GAN: variants seen among roughly 807,000 people sequenced by gnomAD.
GAN encodes the protein gigaxonin, also known as epididymis secretory sperm binding protein.
A neutral mutation model predicts 71.3 loss-of-function variants in GAN; 48 were observed. The ratio of observed to expected loss-of-function variants is 0.67; its 90% CI spans 0.53 to 0.86. The LOEUF is 0.86. Among genes scored for constraint, GAN ranks in the 40% least tolerant of loss-of-function variants. GAN has a pLI of 0.00. For missense variants in GAN, 928 were observed against 770.1 expected, an observed-to-expected ratio of 1.21 and a Z score of -2.43; for synonymous variants, 386 against 276.8, an observed-to-expected ratio of 1.39 and a Z score of -3.92.
At position 81,325,768 on chromosome 16, in the gene GAN, G is replaced by T. The variant is rs912505177; in HGVS notation, c.167+10488G>T. Among the ~76,000 whole-genome samples the T allele has an allele frequency of 2.0e-5, 3 of 152,340 alleles. No homozygotes were observed. In the East Asian group the frequency reaches 5.8e-4, roughly 29 times the overall value. On this transcript the variant is annotated intron_variant, in intron 1 of 10. Coordinates refer to ENST00000648994, the MANE Select transcript of GAN (RefSeq NM_022041.4). Reference sequence around the variant, plus strand: ...AGAAGAGATAACAGTTTTGAGCCTGGCTGCCTAGGGAAAGTGGGGAAGACA... The same window carrying T: ...AGAAGAGATAACAGTTTTGAGCCTGTCTGCCTAGGGAAAGTGGGGAAGACA...
At chr16:81,371,337 A>G (rs949934513) in intron 9 of GAN, among the ~76,000 whole-genome samples, 6 of 152,136 alleles carry the variant, frequency 3.9e-5, no homozygotes, top group Admixed American at 3.9e-4. Context: ...TCCCTTGAGA[A>G]ATGGGTTCTA....
chr16:81,358,010 G>T, intron 5 of GAN, 79 bp downstream of exon 5: 1 of 1,199,666 alleles, frequency 8.3e-7, no homozygotes, highest in Non-Finnish European at 1.2e-6. Flanking sequence ...ATGACTCAGA[G>T]CCTTTTAAAG....
chr16:81,354,571 A>C lies in GAN; in HGVS notation c.449A>C (p.His150Pro). ...CTACATTACTGCCTCCATCACGTTC[A>C]TTACCTTGCCACAGAATACCTGGAG... ...FALHYCLHHVHYLATEYLETH... is the reference protein window; with the variant it reads ...FALHYCLHHVPYLATEYLETH... Residue 150 changes from histidine to proline, a missense_variant, in exon 3 of 11, where the codon CAT (histidine) becomes CCT (proline). His to Pro is a moderately conservative substitution (Grantham distance 77, BLOSUM62 -2). Coordinates refer to ENST00000648994, the MANE Select transcript of GAN (RefSeq NM_022041.4). 1 of 1,614,140 alleles carries C rather than the reference A, an allele frequency of 6.2e-7. No individual in the cohort carries two copies. Among genetic ancestry groups the C allele is most frequent in the Non-Finnish European group, 8.5e-7 (1 of 1,180,008 alleles).
At chr16:81,371,386 G>T (rs994951492) in intron 9 of GAN, among the ~76,000 whole-genome samples, 6 of 152,182 alleles carry the variant, frequency 3.9e-5, no homozygotes, top group Admixed American at 3.9e-4. Flanking sequence ...GTTCTGGACT[G>T]AATCCTGGAT....
At chr16:81,340,131 G>A (rs925506156) in intron 1 of GAN, among the ~76,000 whole-genome samples, 1 of 152,008 alleles carries the variant, frequency 6.6e-6, no homozygotes, top group African/African-American at 2.4e-5. Flanking sequence ...TAGAGATGAG[G>A]TCTTGCTGTG....
intron 1 of GAN, among the ~76,000 whole-genome samples, chr16:81,350,207 C>G (rs938926973): frequency 1.3e-5 from 2 of 151,992 alleles, no homozygotes; most frequent in Non-Finnish European, 2.9e-5. Flanking sequence ...GAACAAGAAA[C>G]ATGAACAAAC....
intron 5 of GAN, among the ~76,000 whole-genome samples, chr16:81,359,979 C>G (rs1910618114): frequency 6.6e-6 from 1 of 152,012 alleles, no homozygotes; most frequent in East Asian, 1.9e-4. Context: ...TAAGGGGTAG[C>G]TACTATATAC....
chr16:81,356,652 A>G, intron 3 of GAN, 133 bp from the exon 4 acceptor site: 1 of 763,528 alleles, frequency 1.3e-6, no homozygotes, highest in East Asian at 2.5e-5. Context: ...AAGCAGCACG[A>G]GTGTGTCTCA....
At chr16:81,374,456 G>T (rs1171702378) in intron 9 of GAN, among the ~76,000 whole-genome samples, 1 of 152,194 alleles carries the variant, frequency 6.6e-6, no homozygotes, top group Non-Finnish European at 1.5e-5. Flanking sequence ...TGTGGTGTTT[G>T]CCTGATGATG....
chr16:81,318,027 G>A (rs578081820), intron 1 of GAN, among the ~76,000 whole-genome samples: 3 of 152,260 alleles, frequency 2.0e-5, no homozygotes, highest in Admixed American at 6.5e-5. Context: ...GTAATTTGAC[G>A]AATCTGTATC....
At chr16:81,354,304 C>A in intron 2 of GAN, 101 bp from the exon 3 acceptor site, 1 of 806,526 alleles carries the variant, frequency 1.2e-6, no homozygotes, top group Non-Finnish European at 2.1e-6. Context: ...TATCTTTGAT[C>A]TAAAATAAAT....
At chr16:81,344,651 A>C (rs1290300897) in intron 1 of GAN, among the ~76,000 whole-genome samples, 2 of 152,234 alleles carry the variant, frequency 1.3e-5, no homozygotes, top group Admixed American at 1.3e-4. Flanking sequence ...TAGGACCATA[A>C]AAATCCTAGA....
intron 1 of GAN, among the ~76,000 whole-genome samples, chr16:81,338,369 A>G (rs913143173): frequency 2.0e-5 from 3 of 152,198 alleles, no homozygotes; most frequent in South Asian, 2.1e-4. Context: ...GAAAAGGCCT[A>G]TTGATTCATA....
rs1461014770 is a variant in GAN, at chr16:81,386,716, G to A, written c.*9120G>A. The A allele has an allele frequency of 1.3e-5, 2 of 152,310 alleles. No homozygotes were observed. Among genetic ancestry groups the A allele is most frequent in the African/African-American group, 2.4e-5 (1 of 41,472 alleles). The allele number at this position is 152,310 out of a possible 1,614,324, so 9.4% of individuals were successfully genotyped here. A position where few individuals can be genotyped will look rare whatever the true frequency, so the allele number is the denominator to read the frequency against. ...AATCCCAGGACTTTGGGAGGCCAAGGCGGGCAGATCACCTGAGGTCGGCAG... is the reference window on the plus strand; with the variant it reads ...AATCCCAGGACTTTGGGAGGCCAAGACGGGCAGATCACCTGAGGTCGGCAG... On this transcript the variant is annotated 3_prime_UTR_variant, in exon 11 of 11. Coordinates refer to ENST00000648994, the MANE Select transcript of GAN (RefSeq NM_022041.4).
In GAN at chr16:81,363,808, C is replaced by T. The variant is rs142479585; in HGVS notation, c.1101C>T (p.Phe367=). The T allele has an allele frequency of 7.4e-5, 120 of 1,613,550 alleles. No individual in the cohort carries two copies. The Admixed American group carries it at 1.3e-3, about 17-fold the overall frequency. The change falls in exon 7 of 11, where the codon TTC becomes TTT. Residue 367 remains phenylalanine, a synonymous_variant. Transcript: ENST00000648994. ...TGTAATTTCAGGCAAGACATAACTT[C>T]GGAATTGTGGAGATAGATGGGATGC... ...LPPMNEARHN[F]GIVEIDGMLY...
At chr16:81,335,946 G>A (rs1013472105) in intron 1 of GAN, among the ~76,000 whole-genome samples, 3 of 152,102 alleles carry the variant, frequency 2.0e-5, no homozygotes, top group Admixed American at 6.5e-5. Context: ...TGCCCCATGC[G>A]GGTTCCTGCC....
chr16:81,342,271 G>A (rs1006531743), intron 1 of GAN, among the ~76,000 whole-genome samples: 4 of 152,066 alleles, frequency 2.6e-5, no homozygotes, highest in Non-Finnish European at 4.4e-5. Context: ...CTCAGCTCTG[G>A]ACCAAGCAGA....
rs1000046297 is a variant in GAN at position 81,385,974 on chromosome 16, C to G, written c.*8378C>G. On this transcript the variant is annotated 3_prime_UTR_variant, in exon 11 of 11. Coordinates refer to ENST00000648994, the MANE Select transcript of GAN (RefSeq NM_022041.4). ...CCATATTGCCCAGGCTGGTCTCGAG[C>G]TCCTGAGCTCAGGCAATCCGCCTGC... 6.6e-6 allele frequency: 1 copy of G among 152,110 alleles called. No homozygotes were observed. The highest frequency in any genetic ancestry group is 2.4e-5 in the African/African-American group (1 of 41,392). 9.4% of individuals were successfully genotyped at this position (152,110 alleles called of 1,614,324 possible).
chr16:81,342,351 C>T lies in GAN; in HGVS notation c.168-9232C>T, dbSNP rs1301317073. Among the ~76,000 whole-genome samples the T allele has an allele frequency of 7.9e-5, 12 of 152,314 alleles. No individual in the cohort carries two copies. In the East Asian group the frequency reaches 2.3e-3, roughly 29 times the overall value. On this transcript the variant is annotated intron_variant, in intron 1 of 10. Transcript: ENST00000648994. ...ATACATTCTTCTTAGCACCACATTG[C>T]ACTTATTCTAAAATTGACCACATAA...
Sources: gnomAD v4.1 joint callset for allele counts (sites outside exome capture counted in the v4.1 genomes callset) on GRCh38, gnomAD v4.1.1 for gene constraint, MANE v1.5 for transcripts, NCBI Gene and HGNC (gene_info 2026-07-23, HGNC 2026-07-21) for gene names.